COG5: variants seen among roughly 807,000 people sequenced by gnomAD.
The protein encoded by COG5 is component of oligomeric golgi complex 5.
A neutral mutation model predicts 110.4 loss-of-function variants in COG5; 86 were observed. The observed-to-expected ratio is 0.78, with a 90% confidence interval of 0.65 to 0.93. The LOEUF is 0.93. Among genes scored for constraint, COG5 ranks in the 40% least tolerant of loss-of-function variants. The pLI is 0.00. For synonymous variants in COG5, 360 were observed against 334.6 expected (o/e 1.08, Z -0.83); for missense variants, 1,077 against 987.0 (o/e 1.09, Z -1.22).
At position 107,435,583 on chromosome 7, in the gene COG5, G is replaced by C. The variant is rs111503123; in HGVS notation, c.539-22951C>G. ...CACGAGAATTGCTTGAACCCAGGAG[G>C]CAAGGGTTGCAGTGAGCCAAGATCG... On this transcript the variant is annotated intron_variant, in intron 6 of 21. Transcript: ENST00000297135. Among the ~76,000 whole-genome samples the C allele has an allele frequency of 6.6e-5, 10 of 152,168 alleles. 3 individuals carry two copies. The highest frequency in any genetic ancestry group is 2.4e-4 in the African/African-American group (10 of 41,518).
intron 10 of COG5, among the ~76,000 whole-genome samples, chr7:107,357,111 A>C (rs1812696010): frequency 6.6e-6 from 1 of 152,198 alleles, no homozygotes; most frequent in South Asian, 2.1e-4. Context: ...TAAAGGTTCT[A>C]TTGCCAATGA....
At chr7:107,481,111 G>T (rs559489872) in intron 6 of COG5, among the ~76,000 whole-genome samples, 6 of 152,226 alleles carry the variant, frequency 3.9e-5, no homozygotes, top group African/African-American at 1.4e-4. Flanking sequence ...ATCAAACCCC[G>T]AAGCATCAAG....
intron 20 of COG5, 97 bp from the exon 21 acceptor site, chr7:107,210,702 G>T: frequency 7.5e-7 from 1 of 1,338,612 alleles, no homozygotes. Context: ...TATTCCCAAG[G>T]TGAAACTGCC....
At chr7:107,262,148 C>A (rs1208571125) in intron 14 of COG5, among the ~76,000 whole-genome samples, 1 of 152,124 alleles carries the variant, frequency 6.6e-6, no homozygotes, top group East Asian at 1.9e-4. Flanking sequence ...ACCTCAGACT[C>A]CCAACATGCT....
rs113020855 is a variant in COG5, at chr7:107,439,453, C to T, written c.539-26821G>A. Among the ~76,000 whole-genome samples the T allele has an allele frequency of 7.3e-3, 1,107 of 152,172 alleles. 17 individuals are homozygous for T. The highest frequency in any genetic ancestry group is 0.026 in the African/African-American group (1,063 of 41,520). On this transcript the variant is annotated intron_variant, in intron 6 of 21. Coordinates refer to ENST00000297135, the MANE Select transcript of COG5 (RefSeq NM_006348.5). ...TGTTCCTACCACCACCAAACCTGCTCTTTTCTAAATACATTACTTTTCTGC... is the reference window on the plus strand; with the variant it reads ...TGTTCCTACCACCACCAAACCTGCTTTTTTCTAAATACATTACTTTTCTGC...
intron 7 of COG5, among the ~76,000 whole-genome samples, chr7:107,399,443 TAGTG>T (rs1791265062): frequency 6.6e-6 from 1 of 152,068 alleles, no homozygotes; most frequent in Middle Eastern, 3.2e-3. Context: ...GTTCTCATGA[TAGTG>T]AGTGAGTTTT....
At chr7:107,362,169 A>T in intron 9 of COG5, 59 bp from the exon 10 acceptor site, 1 of 1,408,968 alleles carries the variant, frequency 7.1e-7, no homozygotes, top group Non-Finnish European at 1.0e-6. Flanking sequence ...GGGAAATGGC[A>T]ACCTTTACGT....
At chr7:107,317,536 A>G (rs1460815326) in intron 11 of COG5, among the ~76,000 whole-genome samples, 1 of 152,194 alleles carries the variant, frequency 6.6e-6, no homozygotes, top group Non-Finnish European at 1.5e-5. Flanking sequence ...TCACAGGGTA[A>G]TAATTTGAGG....
At chr7:107,294,587 C>T (rs1403404388) in intron 12 of COG5, among the ~76,000 whole-genome samples, 2 of 152,054 alleles carry the variant, frequency 1.3e-5, no homozygotes, top group Non-Finnish European at 2.9e-5. Context: ...GCCTGTAAAG[C>T]TCTACCTGAT....
At chr7:107,536,731 T>C (rs756850556) in intron 5 of COG5, among the ~76,000 whole-genome samples, 28 of 152,226 alleles carry the variant, frequency 1.8e-4, no homozygotes, top group African/African-American at 6.0e-4. Context: ...CAAGCTACCA[T>C]TGACATTCTT....
chr7:107,378,702 A>C (rs2129052248), intron 7 of COG5, among the ~76,000 whole-genome samples: 1 of 152,344 alleles, frequency 6.6e-6, no homozygotes, highest in East Asian at 1.9e-4. Context: ...CAATGAAATA[A>C]AGCAAGAAGA....
In COG5 at chr7:107,239,434, G is replaced by A. The variant is rs1020922729; in HGVS notation, c.1854-2747C>T. On this transcript the variant is annotated intron_variant, in intron 17 of 21. Transcript: ENST00000297135. ...TGCTCAAGATTGCCTTGGCTATTCA[G>A]AGATTTTGGTAGTTCCATATGAATT... Among the ~76,000 whole-genome samples the A allele has an allele frequency of 3.9e-5, 6 of 152,300 alleles. No individual in the cohort carries two copies. In the South Asian group the frequency reaches 6.2e-4, roughly 16 times the overall value.
chr7:107,445,156 A>AGGCCACTGCACTCCAGCCTG (rs1458261685), intron 6 of COG5, among the ~76,000 whole-genome samples: 35 of 152,100 alleles, frequency 2.3e-4, no homozygotes, highest in African/African-American at 8.2e-4. Flanking sequence ...AGCCGTGATT[A>AGGCCACTGCACTCCAGCCTG]GGCCACTGCA....
intron 6 of COG5, among the ~76,000 whole-genome samples, chr7:107,499,303 C>T (rs1387618023): frequency 3.3e-5 from 5 of 151,696 alleles, no homozygotes; most frequent in African/African-American, 4.8e-5. Flanking sequence ...TCATATTAAG[C>T]GTACTTACCA....
intron 12 of COG5, among the ~76,000 whole-genome samples, chr7:107,292,759 C>A (rs569848930): frequency 6.6e-6 from 1 of 152,260 alleles, no homozygotes; most frequent in East Asian, 1.9e-4. Context: ...AGAGTAATCA[C>A]CCCAGCACCT....
intron 10 of COG5, among the ~76,000 whole-genome samples, chr7:107,344,865 G>C (rs947144046): frequency 6.6e-6 from 1 of 152,108 alleles, no homozygotes; most frequent in Non-Finnish European, 1.5e-5. Context: ...CACTGGAATA[G>C]CTCTTTTAAT....
At position 107,235,502 on chromosome 7, in the gene COG5, A is replaced by G. The variant is rs1801116001; in HGVS notation, c.2091+948T>C. 2.0e-5 allele frequency among the ~76,000 whole-genome samples: 3 copies of G among 152,210 alleles called. No individual in the cohort carries two copies. The South Asian group carries it at 6.2e-4, about 31-fold the overall frequency. ...GGTGGATCACAAGGTCAGGAGTTTG[A>G]GACCAGCTTGGCCAATACGGTTAAA... On this transcript the variant is annotated intron_variant, in intron 18 of 21. Coordinates refer to ENST00000297135, the MANE Select transcript of COG5 (RefSeq NM_006348.5).
intron 21 of COG5, chr7:107,208,658 C>T (rs529810075): frequency 1.3e-5 from 13 of 985,458 alleles, no homozygotes; most frequent in East Asian, 2.3e-4. Context: ...GAACATTCAC[C>T]GGGGCTGGTA....
chr7:107,328,398 T>C (rs575764080), intron 10 of COG5, among the ~76,000 whole-genome samples: 1 of 152,324 alleles, frequency 6.6e-6, no homozygotes, highest in African/African-American at 2.4e-5. Context: ...AATGTCATTA[T>C]GTGGTGTATG....
Sources: allele counts gnomAD v4.1 joint callset (sites outside exome capture counted in the v4.1 genomes callset), GRCh38; gene constraint gnomAD v4.1.1; transcripts MANE v1.5; gene names NCBI Gene and HGNC (gene_info 2026-07-23, HGNC 2026-07-21).